ENPP1: variants seen among roughly 807,000 people sequenced by gnomAD.
The protein encoded by ENPP1 is ectonucleotide pyrophosphatase/phosphodiesterase family member 1.
Under a neutral mutation model 122.8 loss-of-function variants are expected in ENPP1, and 73 were observed. The ratio of observed to expected loss-of-function variants is 0.59; its 90% confidence interval spans 0.49 to 0.72. The LOEUF (loss-of-function observed/expected upper bound fraction) is 0.72, where lower values mean the gene tolerates loss of function less well. Ranked by LOEUF, ENPP1 falls within the 30% of genes least tolerant of loss-of-function variation. The pLI, the probability that ENPP1 is intolerant of heterozygous loss-of-function variation, is 0.00. For synonymous variants in ENPP1, 367 were observed against 391.6 expected (o/e 0.94, Z 0.74); for missense variants, 978 against 1,128.1 (o/e 0.87, Z 1.91).
At chr6:131,847,469 AGACTG>A (rs1382932735) in intron 1 of ENPP1, among the ~76,000 whole-genome samples, 2 of 152,220 alleles carry the variant, frequency 1.3e-5, no homozygotes, top group Non-Finnish European at 2.9e-5. Flanking sequence ...GACTAGCCCC[AGACTG>A]GAAAAAAGAA....
intron 6 of ENPP1, among the ~76,000 whole-genome samples, chr6:131,857,962 A>C (rs1056494264): frequency 1.3e-5 from 2 of 152,220 alleles, no homozygotes; most frequent in African/African-American, 4.8e-5. Flanking sequence ...CTAGCTTTGA[A>C]TAATTAGGGA....
intron 21 of ENPP1, among the ~76,000 whole-genome samples, chr6:131,883,058 C>G (rs1468633205): frequency 6.6e-6 from 1 of 152,104 alleles, no homozygotes; most frequent in African/African-American, 2.4e-5. Context: ...TTTTTTGAAG[C>G]TAAGTATTCT....
chr6:131,868,518 C>T (rs1782118805), intron 12 of ENPP1, among the ~76,000 whole-genome samples: 2 of 152,226 alleles, frequency 1.3e-5, no homozygotes, highest in Non-Finnish European at 2.9e-5. Context: ...CAGCTCACTG[C>T]AGCCTCAACT....
intron 1 of ENPP1, among the ~76,000 whole-genome samples, chr6:131,818,804 GT>G (rs58524127): frequency 0.014 from 2,064 of 152,278 alleles, 25 homozygotes; most frequent in Non-Finnish European, 0.021. Flanking sequence ...CAGCTGTGCG[GT>G]TGTTTAAGTT....
At chr6:131,857,604 A>T (rs1054305291) in intron 6 of ENPP1, among the ~76,000 whole-genome samples, 1 of 151,068 alleles carries the variant, frequency 6.6e-6, no homozygotes, top group Middle Eastern at 3.4e-3. Context: ...GAACAATGAG[A>T]TCACATGGAC....
At chr6:131,879,029 A>T (rs1450028099) in intron 19 of ENPP1, among the ~76,000 whole-genome samples, 1 of 152,248 alleles carries the variant, frequency 6.6e-6, no homozygotes, top group East Asian at 1.9e-4. Flanking sequence ...GGATACACAG[A>T]CAACTGATGA....
At chr6:131,850,721 A>T (rs892109566) in intron 3 of ENPP1, among the ~76,000 whole-genome samples, 2 of 152,094 alleles carry the variant, frequency 1.3e-5, no homozygotes, top group African/African-American at 2.4e-5. Flanking sequence ...GGCTCACACC[A>T]TTATGCCCAG....
rs1782383011 is a variant in ENPP1, at chr6:131,886,732, G to C, written c.2607+8G>C. ...AACAGCGAGAGCTGTGTGGTAAGTA[G>C]CTTTTGTATATTTACTTTGCATGTT... On this transcript the variant is annotated splice_region_variant and intron_variant, in intron 24 of 24. Transcript: ENST00000647893. The C allele has an allele frequency of 6.2e-7, 1 of 1,609,532 alleles. No individual in the cohort carries two copies.
intron 1 of ENPP1, chr6:131,826,653 G>GT: frequency 1.2e-6 from 1 of 815,410 alleles, no homozygotes; most frequent in Non-Finnish European, 2.0e-6. Context: ...TCATTTTCAA[G>GT]TTGTTCAGCA....
intron 19 of ENPP1, 51 bp downstream of exon 19, chr6:131,878,644 A>T (rs1782265805): frequency 7.3e-7 from 1 of 1,364,252 alleles, no homozygotes; most frequent in Non-Finnish European, 1.0e-6. Flanking sequence ...GCATTTTCTC[A>T]TCAGTGTGAA....
rs184953096 is a variant in ENPP1 at position 131,876,070 on chromosome 6, T to C, written c.1723+207T>C. Among the ~76,000 whole-genome samples, 17 of 152,298 alleles carry C rather than the reference T, an allele frequency of 1.1e-4. No individual in the cohort carries two copies. The East Asian group carries it at 3.1e-3, about 28-fold the overall frequency. On this transcript the variant is annotated intron_variant, in intron 17 of 24. Transcript: ENST00000647893. ...CTGTTTGTTCCACTAGGCTGCTTGC[T>C]GGTTAAAGTACACCACTCACAGCAG...
chr6:131,862,504 C>T (rs1225840540), intron 9 of ENPP1, among the ~76,000 whole-genome samples: 1 of 152,132 alleles, frequency 6.6e-6, no homozygotes. Flanking sequence ...AAATCAGTCT[C>T]CCCGAGCATT....
intron 1 of ENPP1, among the ~76,000 whole-genome samples, chr6:131,833,554 T>G (rs1236887055): frequency 6.6e-6 from 1 of 152,214 alleles, no homozygotes; most frequent in Non-Finnish European, 1.5e-5. Context: ...CATTTTTGGA[T>G]TTTGTGTCAT....
At chr6:131,822,247 A>G (rs1781492549) in intron 1 of ENPP1, among the ~76,000 whole-genome samples, 1 of 152,234 alleles carries the variant, frequency 6.6e-6, no homozygotes, top group Non-Finnish European at 1.5e-5. Context: ...AATATTGAGT[A>G]TTATGGAATG....
chr6:131,808,374 GGA>G (rs1781308019), intron 1 of ENPP1, 99 bp downstream of exon 1: 1 of 1,340,736 alleles, frequency 7.5e-7, no homozygotes, highest in Non-Finnish European at 9.7e-7. Flanking sequence ...ACCGGGCACC[GGA>G]GAGAGGCATG....
intron 1 of ENPP1, among the ~76,000 whole-genome samples, chr6:131,838,825 G>A (rs1325480891): frequency 3.3e-5 from 5 of 151,940 alleles, no homozygotes; most frequent in Non-Finnish European, 7.4e-5. Flanking sequence ...ATAACAAAGG[G>A]TTATTATAAA....
At chr6:131,868,375 C>T (rs906840789) in intron 12 of ENPP1, among the ~76,000 whole-genome samples, 1 of 152,154 alleles carries the variant, frequency 6.6e-6, no homozygotes, top group African/African-American at 2.4e-5. Context: ...ATATTTTCAA[C>T]ATTAAATTTG....
At chr6:131,843,998 T>A (rs1477959526) in intron 1 of ENPP1, among the ~76,000 whole-genome samples, 1 of 152,186 alleles carries the variant, frequency 6.6e-6, no homozygotes, top group South Asian at 2.1e-4. Flanking sequence ...TGTGTGTATA[T>A]CTTCCTCTCA....
At position 131,872,090 on chromosome 6, in the gene ENPP1, C is replaced by A; in HGVS notation, c.1426C>A (p.Arg476=). The change falls in exon 14 of 25, where the codon CGA becomes AGA. Residue 476 remains arginine (R), a synonymous_variant. Coordinates refer to ENST00000647893, the MANE Select transcript of ENPP1 (RefSeq NM_006208.3). ...TCCAGTTAACTATGAAGGCATTGCCCGAAATCTTTCTGTGAGTATCTTTAT... is the reference window on the plus strand; with the variant it reads ...TCCAGTTAACTATGAAGGCATTGCCAGAAATCTTTCTGTGAGTATCTTTAT... ...YYSFNYEGIA[R]NLSCREPNQH... is the part of the protein sequence containing the mutation. 1 of 1,588,638 alleles carries A rather than the reference C, an allele frequency of 6.3e-7. No homozygotes were observed. The highest frequency in any genetic ancestry group is 8.6e-7 in the Non-Finnish European group (1 of 1,160,266).
Sources: gnomAD v4.1 joint callset for allele counts (sites outside exome capture counted in the v4.1 genomes callset) on GRCh38, gnomAD v4.1.1 for gene constraint, MANE v1.5 for transcripts, NCBI Gene and HGNC (gene_info 2026-07-23, HGNC 2026-07-21) for gene names.